PIK3C3: variants seen among roughly 807,000 people sequenced by gnomAD.
PIK3C3 encodes the protein PI3-kinase type 3.
In PIK3C3, 95 loss-of-function variants were observed where a neutral mutation model predicts 126.1. The observed-to-expected ratio is 0.75, with a 90% CI of 0.64 to 0.89. PIK3C3 has a LOEUF of 0.89. Ranked by LOEUF, PIK3C3 falls within the 40% of genes least tolerant of loss-of-function variation. PIK3C3 has a pLI of 0.00. For missense variants in PIK3C3, 829 were observed against 1,063.2 expected, an observed-to-expected ratio of 0.78 and a Z score of 3.06; for synonymous variants, 374 against 360.0, an observed-to-expected ratio of 1.04 and a Z score of -0.44.
intron 9 of PIK3C3, among the ~76,000 whole-genome samples, chr18:42,003,675 C>A (rs549994506): frequency 6.6e-6 from 1 of 152,150 alleles, no homozygotes; most frequent in Non-Finnish European, 1.5e-5. Context: ...TGAAAACTTC[C>A]GTGTGCTGCC....
intron 4 of PIK3C3, among the ~76,000 whole-genome samples, chr18:41,974,845 G>A (rs1980836076): frequency 6.6e-6 from 1 of 152,154 alleles, no homozygotes. Context: ...CCAAGCTTTA[G>A]TGTTTGATTT....
intron 24 of PIK3C3, among the ~76,000 whole-genome samples, chr18:42,069,689 C>T (rs1034907580): frequency 4.6e-5 from 7 of 152,188 alleles, no homozygotes; most frequent in African/African-American, 1.4e-4. Context: ...CTTACTCCAT[C>T]TCTATCTACA....
chr18:42,069,540 G>A (rs903184864), intron 24 of PIK3C3, among the ~76,000 whole-genome samples: 1 of 152,150 alleles, frequency 6.6e-6, no homozygotes, highest in African/African-American at 2.4e-5. Context: ...GCCCATCTCT[G>A]TGTGTGTACA....
At chr18:41,972,032 C>G (rs1344570768) in intron 4 of PIK3C3, among the ~76,000 whole-genome samples, 1 of 151,980 alleles carries the variant, frequency 6.6e-6, no homozygotes, top group African/African-American at 2.4e-5. Context: ...TGACATTTTT[C>G]AGGCATCGGT....
Position 42,086,774 on chromosome 18 carries a change from A to C in PIK3C3, c.*5637A>C, listed in dbSNP as rs1467305982. 6.6e-6 allele frequency: 1 copy of C among 152,000 alleles called. No homozygotes were observed. Among genetic ancestry groups the C allele is most frequent in the Non-Finnish European group, 1.5e-5 (1 of 67,992 alleles). 9.4% of individuals were successfully genotyped at this position (152,000 alleles called of 1,614,324 possible). On this transcript the variant is annotated 3_prime_UTR_variant, in exon 25 of 25. Coordinates refer to ENST00000262039, the MANE Select transcript of PIK3C3 (RefSeq NM_002647.4). Reference sequence around the variant, plus strand: ...TTCCTTGAAAATTCATGAATAATCCACCCCTTGTTTAGCATATGATCAAGA... The same window carrying C: ...TTCCTTGAAAATTCATGAATAATCCCCCCCTTGTTTAGCATATGATCAAGA...
intron 23 of PIK3C3, 79 bp from the exon 24 acceptor site, chr18:42,067,309 T>G (rs944082419): frequency 7.9e-6 from 10 of 1,260,274 alleles, no homozygotes; most frequent in Non-Finnish European, 1.0e-5. Context: ...CCTTATAATG[T>G]CTGCATCAGT....
In PIK3C3 at chr18:41,957,597, A is replaced by G. The variant is rs755598181; in HGVS notation, c.96A>G (p.Gln32=). 6 of 1,610,312 alleles carry G rather than the reference A, an allele frequency of 3.7e-6. No homozygotes were observed. The Admixed American group carries it at 6.8e-5, about 18-fold the overall frequency. ...KIGSLEGKRE[Q]KSYKAVLEDP... ...GAAGCTTGGAAGGGAAGAGAGAACA[A>G]AAGAGTTATAAAGCTGTCCTGGAAG... Residue 32 remains glutamine (Q), a synonymous_variant, in exon 2 of 25, where the codon CAA becomes CAG. Transcript: ENST00000262039.
intron 24 of PIK3C3, among the ~76,000 whole-genome samples, chr18:42,069,265 T>C (rs150994011): frequency 1.2e-4 from 18 of 152,316 alleles, no homozygotes; most frequent in African/African-American, 4.3e-4. Context: ...GTGATTCAAA[T>C]AGTATGTGAC....
rs181725819 is a variant in PIK3C3, at chr18:42,081,240, T to G, written c.*103T>G. Reference sequence around the variant, plus strand: ...CAGAGTAACCAGCAAGGAAGAGAAATCTTAATCTTCAAGTTACCATATTTT... The same window carrying G: ...CAGAGTAACCAGCAAGGAAGAGAAAGCTTAATCTTCAAGTTACCATATTTT... On this transcript the variant is annotated 3_prime_UTR_variant, in exon 25 of 25. Transcript: ENST00000262039. 4.0e-5 allele frequency: 28 copies of G among 695,776 alleles called. No homozygotes were observed. The African/African-American group carries it at 4.4e-4, about 11-fold the overall frequency. The allele number at this position is 695,776 out of a possible 1,614,324, so 43.1% of individuals were successfully genotyped here.
chr18:42,051,697 T>A (rs1369462543), intron 21 of PIK3C3, among the ~76,000 whole-genome samples: 1 of 152,072 alleles, frequency 6.6e-6, no homozygotes, highest in Admixed American at 6.6e-5. Context: ...TATAAAACAT[T>A]ATGGTGTATT....
At chr18:41,963,905 G>C (rs775538408) in intron 3 of PIK3C3, among the ~76,000 whole-genome samples, 10 of 151,006 alleles carry the variant, frequency 6.6e-5, no homozygotes, top group Non-Finnish European at 1.3e-4. Flanking sequence ...GCCCTTTGTG[G>C]GTTATGTTAC....
intron 21 of PIK3C3, among the ~76,000 whole-genome samples, chr18:42,056,899 G>C (rs893272769): frequency 5.3e-5 from 8 of 151,968 alleles, no homozygotes; most frequent in African/African-American, 9.7e-5. Context: ...CCTCATATTT[G>C]TTGAATTATG....
chr18:41,995,705 T>C (rs1243551439), intron 7 of PIK3C3, among the ~76,000 whole-genome samples, 185 bp from the exon 8 acceptor site: 1 of 152,168 alleles, frequency 6.6e-6, no homozygotes, highest in East Asian at 1.9e-4. Context: ...GTTTAAGGCA[T>C]ACTTAGTTTC....
intron 4 of PIK3C3, among the ~76,000 whole-genome samples, chr18:41,983,157 G>A (rs1395476612): frequency 1.3e-5 from 2 of 152,032 alleles, no homozygotes; most frequent in African/African-American, 2.4e-5. Context: ...ACTTTTAAGT[G>A]CTTACTATAT....
At chr18:42,019,897 A>G (rs1983245228) in intron 12 of PIK3C3, among the ~76,000 whole-genome samples, 2 of 152,138 alleles carry the variant, frequency 1.3e-5, no homozygotes, top group South Asian at 2.1e-4. Context: ...GGGAGTTACT[A>G]TTAATGCCTT....
At chr18:42,029,207 T>A (rs2144440537) in intron 14 of PIK3C3, 118 bp from the exon 15 acceptor site, 1 of 655,832 alleles carries the variant, frequency 1.5e-6, no homozygotes, top group Non-Finnish European at 2.8e-6. Flanking sequence ...TTTTCAGTTT[T>A]GCTTTCTATT....
chr18:42,072,337 C>T (rs1010099305), intron 24 of PIK3C3, among the ~76,000 whole-genome samples: 3 of 152,110 alleles, frequency 2.0e-5, no homozygotes, highest in African/African-American at 7.2e-5. Flanking sequence ...CTAAGAGTTA[C>T]TAGATACAAC....
chr18:41,967,042 T>C lies in PIK3C3; in HGVS notation c.402-3285T>C, dbSNP rs553745814. On this transcript the variant is annotated intron_variant, in intron 3 of 24. Transcript: ENST00000262039. ...AGAAACCCTATGAAATTAAAACAAC[T>C]TTTTTTTTTTCCTCTCTGTCCTGTA... Among the ~76,000 whole-genome samples the C allele has an allele frequency of 3.4e-5, 5 of 148,314 alleles. No homozygotes were observed. In the South Asian group the frequency reaches 1.1e-3, roughly 32 times the overall value.
At chr18:41,983,028 G>T (rs1215816964) in intron 4 of PIK3C3, among the ~76,000 whole-genome samples, 1 of 152,146 alleles carries the variant, frequency 6.6e-6, no homozygotes, top group Non-Finnish European at 1.5e-5. Flanking sequence ...GAAATGAAAA[G>T]TGAGGATTAT....
Sources: gnomAD v4.1 joint callset for allele counts (sites outside exome capture counted in the v4.1 genomes callset) on GRCh38, gnomAD v4.1.1 for gene constraint, MANE v1.5 for transcripts, NCBI Gene and HGNC (gene_info 2026-07-23, HGNC 2026-07-21) for gene names.